Variants in WDFY2 observed in about 807,000 individuals in gnomAD.
WDFY2 encodes WD repeat and FYVE domain containing 2, also known as WD repeat and FYVE domain-containing protein 2.
Under a neutral mutation model 56.4 loss-of-function variants are expected in WDFY2, and 36 were observed. That is an observed-to-expected ratio of 0.64 (90% CI 0.49 to 0.84). The LOEUF (loss-of-function observed/expected upper bound fraction) is 0.84. Among genes scored for constraint, WDFY2 ranks in the 40% least tolerant of loss-of-function variants. The probability of loss-of-function intolerance (pLI) is 0.00; values close to 1 mark genes in which losing one functional copy is unlikely to be tolerated. For synonymous variants in WDFY2, 176 were observed against 183.7 expected, an observed-to-expected ratio of 0.96 and a Z score of 0.34; for missense variants, 444 against 512.2, an observed-to-expected ratio of 0.87 and a Z score of 1.29.
chr13:51,703,695 C>A, intron 4 of WDFY2, 45 bp downstream of exon 4: 2 of 1,513,186 alleles, frequency 1.3e-6, no homozygotes, highest in South Asian at 1.2e-5. Context: ...TTCTAAAATA[C>A]TTCTTGGTGG....
At chr13:51,702,261 A>G (rs1952000573) in intron 3 of WDFY2, among the ~76,000 whole-genome samples, 1 of 151,892 alleles carries the variant, frequency 6.6e-6, no homozygotes, top group South Asian at 2.1e-4. Flanking sequence ...GCAGTGAGCC[A>G]GGATCGCGCC....
chr13:51,590,706 T>C (rs1011814427), intron 1 of WDFY2: 2 of 151,878 alleles, frequency 1.3e-5, no homozygotes, highest in African/African-American at 4.8e-5. Flanking sequence ...TTTATTTTTA[T>C]ATGAGTAGGT....
intron 3 of WDFY2, among the ~76,000 whole-genome samples, chr13:51,692,985 G>A (rs1318098019): frequency 1.3e-5 from 2 of 152,164 alleles, no homozygotes. Flanking sequence ...TTTGTGTAGA[G>A]GTGTTTGTAG....
chr13:51,726,393 A>C (rs1952606343), intron 5 of WDFY2, among the ~76,000 whole-genome samples: 1 of 152,202 alleles, frequency 6.6e-6, no homozygotes, highest in Non-Finnish European at 1.5e-5. Context: ...TATTAAAATA[A>C]CATGGAGTGA....
chr13:51,620,486 T>C (rs1259558373), intron 1 of WDFY2, among the ~76,000 whole-genome samples: 1 of 152,068 alleles, frequency 6.6e-6, no homozygotes, highest in Non-Finnish European at 1.5e-5. Context: ...GTCTCTGTCT[T>C]ATCCTTCATC....
At chr13:51,623,019 G>T (rs1012103996) in intron 1 of WDFY2, among the ~76,000 whole-genome samples, 1 of 151,772 alleles carries the variant, frequency 6.6e-6, no homozygotes, top group Non-Finnish European at 1.5e-5. Context: ...AACCATGCCT[G>T]GCTAATTTTT....
chr13:51,730,678 G>C (rs1952704506), intron 6 of WDFY2, among the ~76,000 whole-genome samples: 1 of 152,218 alleles, frequency 6.6e-6, no homozygotes, highest in African/African-American at 2.4e-5. Context: ...GGCAGTTAGT[G>C]ACGGCCTCCT....
At chr13:51,597,507 A>T (rs1954173523) in intron 1 of WDFY2, among the ~76,000 whole-genome samples, 1 of 152,170 alleles carries the variant, frequency 6.6e-6, no homozygotes, top group African/African-American at 2.4e-5. Context: ...AGGACCCGAC[A>T]TTGCTTATTT....
chr13:51,639,657 C>T (rs1955119430), intron 1 of WDFY2, among the ~76,000 whole-genome samples: 1 of 152,210 alleles, frequency 6.6e-6, no homozygotes, highest in East Asian at 1.9e-4. Context: ...AAACTCAGTA[C>T]TTGTCTCTTT....
At chr13:51,734,510 A>C (rs959600473) in intron 6 of WDFY2, among the ~76,000 whole-genome samples, 1 of 152,210 alleles carries the variant, frequency 6.6e-6, no homozygotes, top group South Asian at 2.1e-4. Flanking sequence ...ATAATTATGA[A>C]AACTTTTATT....
intron 5 of WDFY2, among the ~76,000 whole-genome samples, chr13:51,725,967 G>A (rs1411198239): frequency 6.6e-6 from 1 of 152,140 alleles, no homozygotes; most frequent in East Asian, 1.9e-4. Flanking sequence ...GAGCCACTGT[G>A]CCTGGCCACA....
intron 7 of WDFY2, among the ~76,000 whole-genome samples, chr13:51,749,751 T>G (rs1359051361): frequency 6.6e-6 from 1 of 151,742 alleles, no homozygotes. Context: ...CTAACTTACT[T>G]AGAAATTATC....
chr13:51,672,761 C>G (rs964234640), intron 2 of WDFY2, among the ~76,000 whole-genome samples: 2 of 152,154 alleles, frequency 1.3e-5, no homozygotes, highest in African/African-American at 2.4e-5. Context: ...GGTCTTTCAC[C>G]TCCTGGTTTA....
intron 3 of WDFY2, among the ~76,000 whole-genome samples, chr13:51,696,525 A>T (rs778577718): frequency 3.9e-5 from 6 of 152,182 alleles, no homozygotes; most frequent in Non-Finnish European, 8.8e-5. Context: ...CCCCAAACAG[A>T]CTCAGTTCAT....
At chr13:51,737,782 G>T (rs1380190439) in intron 6 of WDFY2, among the ~76,000 whole-genome samples, 1 of 152,140 alleles carries the variant, frequency 6.6e-6, no homozygotes, top group Non-Finnish European at 1.5e-5. Context: ...TTGCTGTTGT[G>T]GGGAATGTTG....
In WDFY2 at chr13:51,763,597, A is replaced by C. The variant is rs1953656450; in HGVS notation, c.*3828A>C. 1 of 152,294 alleles carries C rather than the reference A, an allele frequency of 6.6e-6. No individual in the cohort carries two copies. The highest frequency in any genetic ancestry group is 1.5e-5 in the Non-Finnish European group (1 of 68,088). 9.4% of individuals were successfully genotyped at this position (152,294 alleles called of 1,614,324 possible). The stretch of plus-strand genomic sequence containing the variant: ...GAGGATTGCTGAGCCCAGGAGTTCA[A>C]GACCAGCCTGGGCCACACAGCAAGA... On this transcript the variant is annotated 3_prime_UTR_variant, in exon 12 of 12. Transcript: ENST00000298125.
At chr13:51,716,523 T>A (rs2138620918) in intron 4 of WDFY2, among the ~76,000 whole-genome samples, 2 of 150,648 alleles carry the variant, frequency 1.3e-5, no homozygotes, top group Admixed American at 1.3e-4. Context: ...AAACCCCGTC[T>A]CTACTAAAAA....
intron 11 of WDFY2, 53 bp from the exon 12 acceptor site, chr13:51,759,687 G>A: frequency 1.3e-6 from 2 of 1,596,184 alleles, no homozygotes; most frequent in Non-Finnish European, 1.7e-6. Flanking sequence ...TCTAAGGACT[G>A]TTATCCTCAA....
intron 10 of WDFY2, 132 bp downstream of exon 10, chr13:51,756,594 G>A: frequency 1.4e-6 from 2 of 1,388,278 alleles, no homozygotes; most frequent in Non-Finnish European, 1.9e-6. Flanking sequence ...ACGGCAAGCA[G>A]TAAAAGCTCT....
Sources: gnomAD v4.1 joint callset for allele counts (sites outside exome capture counted in the v4.1 genomes callset) on GRCh38, gnomAD v4.1.1 for gene constraint, MANE v1.5 for transcripts, NCBI Gene and HGNC (gene_info 2026-07-23, HGNC 2026-07-21) for gene names.